The following GRB14 variants were observed in gnomAD, a reference collection of about 807,000 sequenced individuals.
The protein encoded by GRB14 is growth factor receptor-bound protein 14.
A neutral mutation model predicts 69.1 loss-of-function variants in GRB14; 38 were observed. That is an observed-to-expected ratio of 0.55 (90% CI 0.42 to 0.72). GRB14 has a LOEUF of 0.72. Ranked by LOEUF, GRB14 falls within the 30% of genes least tolerant of loss-of-function variation. GRB14 has a pLI of 0.00. For synonymous variants in GRB14, 247 were observed against 241.3 expected (o/e 1.02, Z -0.22); for missense variants, 666 against 666.1 (o/e 1.00, Z 0.00).
At chr2:164,573,777 T>C (rs954897540) in intron 2 of GRB14, 4 of 1,612,264 alleles carry the variant, frequency 2.5e-6, no homozygotes, top group Non-Finnish European at 3.4e-6. Context: ...TTCTGTCGCA[T>C]CCACCAGTGT....
At chr2:164,569,438 T>C (rs1008444136) in intron 2 of GRB14, among the ~76,000 whole-genome samples, 1 of 152,236 alleles carries the variant, frequency 6.6e-6, no homozygotes, top group African/African-American at 2.4e-5. Flanking sequence ...GACTGACATC[T>C]GGACAAGCTT....
intron 2 of GRB14, among the ~76,000 whole-genome samples, chr2:164,571,594 C>T (rs563648168): frequency 2.6e-4 from 39 of 152,062 alleles, no homozygotes; most frequent in African/African-American, 9.2e-4. Context: ...ATAAAAATAA[C>T]TATTATTGTG....
chr2:164,524,986 A>G lies in GRB14; in HGVS notation c.678+18T>C, dbSNP rs200424018. Reference sequence around the variant, plus strand: ...CATTATGCTATTATTTATATATGTTAATAAAAATATATTTTACCTGCAAAA... The same window carrying G: ...CATTATGCTATTATTTATATATGTTGATAAAAATATATTTTACCTGCAAAA... On this transcript the variant is annotated intron_variant, in intron 5 of 13. Transcript: ENST00000263915. The G allele has an allele frequency of 1.8e-5, 26 of 1,408,750 alleles. No individual in the cohort carries two copies. Among genetic ancestry groups the G allele is most frequent in the Non-Finnish European group, 2.6e-5 (26 of 1,018,392 alleles). The allele number at this position is 1,408,750 out of a possible 1,614,324, so 87.3% of individuals were successfully genotyped here.
At chr2:164,569,922 A>G (rs1471869655) in intron 2 of GRB14, among the ~76,000 whole-genome samples, 2 of 152,190 alleles carry the variant, frequency 1.3e-5, no homozygotes, top group Admixed American at 1.3e-4. Flanking sequence ...TTGTGAAGTA[A>G]AAGATTCTGT....
intron 2 of GRB14, among the ~76,000 whole-genome samples, chr2:164,577,381 G>A (rs562981842): frequency 1.3e-5 from 2 of 152,166 alleles, no homozygotes; most frequent in South Asian, 4.1e-4. Context: ...GTTGGGGAGG[G>A]ATCTGGTATG....
At chr2:164,576,409 T>TA (rs151196227) in intron 2 of GRB14, among the ~76,000 whole-genome samples, 4,404 of 150,894 alleles carry the variant, frequency 0.029, 200 homozygotes, top group African/African-American at 0.1. Context: ...GAAATTGGTT[T>TA]AAAAAAAAAC....
intron 3 of GRB14, among the ~76,000 whole-genome samples, chr2:164,529,673 T>C (rs1687871417): frequency 6.6e-6 from 1 of 152,132 alleles, no homozygotes; most frequent in Non-Finnish European, 1.5e-5. Context: ...GGTCCCACTG[T>C]CACCATTTCA....
rs773435459 is a variant in GRB14, at chr2:164,521,941, A to G, written c.816+39T>C. On this transcript the variant is annotated intron_variant, in intron 6 of 13. Coordinates refer to ENST00000263915, the MANE Select transcript of GRB14 (RefSeq NM_004490.3). ...TCAACGTGTTTTAACTTACAGCTTA[A>G]TATGTCAGTCATAACACATCATGGA... 14 of 1,528,102 alleles carry G rather than the reference A, an allele frequency of 9.2e-6. 1 individual carries two copies. The South Asian group carries it at 1.3e-4, about 14-fold the overall frequency. 94.7% of individuals were successfully genotyped at this position (1,528,102 alleles called of 1,614,324 possible).
intron 12 of GRB14, among the ~76,000 whole-genome samples, chr2:164,494,865 T>C (rs1686852031): frequency 6.6e-6 from 1 of 152,200 alleles, no homozygotes. Flanking sequence ...CATGTAACTG[T>C]TTTGCCTAAA....
At chr2:164,608,705 T>C (rs1014983555) in intron 2 of GRB14, among the ~76,000 whole-genome samples, 1 of 152,284 alleles carries the variant, frequency 6.6e-6, no homozygotes, top group Non-Finnish European at 1.5e-5. Flanking sequence ...ATTTTCACCA[T>C]TGGGTTTCAG....
chr2:164,574,056 T>A (rs1689184787), intron 2 of GRB14: 2 of 1,112,536 alleles, frequency 1.8e-6, no homozygotes, highest in Admixed American at 1.9e-5. Context: ...GTAGCCTAGA[T>A]CTTCAGAGGT....
At chr2:164,596,670 G>T in intron 2 of GRB14, among the ~76,000 whole-genome samples, 1 of 152,136 alleles carries the variant, frequency 6.6e-6, no homozygotes, top group African/African-American at 2.4e-5. Context: ...GTAAAATACT[G>T]ATAAATACAC....
intron 3 of GRB14, among the ~76,000 whole-genome samples, chr2:164,540,517 G>A (rs113694995): frequency 6.6e-6 from 1 of 152,166 alleles, no homozygotes; most frequent in South Asian, 2.1e-4. Context: ...GCTGAAGCAG[G>A]AGAATCACTT....
At chr2:164,544,577 A>G (rs778292226) in intron 3 of GRB14, among the ~76,000 whole-genome samples, 1 of 152,248 alleles carries the variant, frequency 6.6e-6, no homozygotes, top group African/African-American at 2.4e-5. Flanking sequence ...TAAACTAGTC[A>G]CAAGTGGCAA....
intron 2 of GRB14, among the ~76,000 whole-genome samples, chr2:164,565,212 A>G (rs1266948120): frequency 1.3e-5 from 2 of 152,024 alleles, no homozygotes; most frequent in East Asian, 3.9e-4. Flanking sequence ...CGGGACCTTA[A>G]AATGTTTTCT....
At chr2:164,580,814 G>T (rs1490526971) in intron 2 of GRB14, among the ~76,000 whole-genome samples, 1 of 152,114 alleles carries the variant, frequency 6.6e-6, no homozygotes, top group Non-Finnish European at 1.5e-5. Flanking sequence ...CAGCACCCAG[G>T]AATACTTACT....
At chr2:164,561,532 G>A (rs772809124) in intron 2 of GRB14, among the ~76,000 whole-genome samples, 3 of 152,082 alleles carry the variant, frequency 2.0e-5, no homozygotes, top group South Asian at 2.1e-4. Flanking sequence ...GGTGAGATTC[G>A]TCCCATGAAA....
chr2:164,540,212 G>T (rs929266531), intron 3 of GRB14, among the ~76,000 whole-genome samples: 5 of 152,120 alleles, frequency 3.3e-5, no homozygotes, highest in African/African-American at 9.7e-5. Flanking sequence ...TGTTCCCTCT[G>T]TCTAGAACAA....
At chr2:164,503,849 T>G (rs1372152610) in intron 8 of GRB14, among the ~76,000 whole-genome samples, 4 of 152,158 alleles carry the variant, frequency 2.6e-5, no homozygotes, top group Non-Finnish European at 5.9e-5. Context: ...AAAGATATAT[T>G]GTCCCTGGTA....
Sources: gnomAD v4.1 joint callset for allele counts (sites outside exome capture counted in the v4.1 genomes callset) on GRCh38, gnomAD v4.1.1 for gene constraint, MANE v1.5 for transcripts, NCBI Gene and HGNC (gene_info 2026-07-23, HGNC 2026-07-21) for gene names.